Variants in SAMMSON observed in about 807,000 individuals in gnomAD.
The protein encoded by SAMMSON is survival associated mitochondrial melanoma specific oncogenic non-coding RNA, also known as long intergenic non-protein coding RNA 1212.
intron 2 of SAMMSON, among the ~76,000 whole-genome samples, chr3:70,408,062 C>T (rs1701190358): frequency 6.6e-6 from 1 of 152,206 alleles, no homozygotes; most frequent in Admixed American, 6.5e-5. Context: ...AAGCCACGGC[C>T]CAAGCTCTAG....
At chr3:70,266,764 T>A (rs1031860774) in intron 6 of SAMMSON, among the ~76,000 whole-genome samples, 1 of 152,266 alleles carries the variant, frequency 6.6e-6, no homozygotes, top group East Asian at 1.9e-4. Flanking sequence ...TCTTTTAAAA[T>A]ATATTTCTAT....
intron 7 of SAMMSON, among the ~76,000 whole-genome samples, chr3:70,341,503 C>T (rs977439003): frequency 6.6e-5 from 10 of 152,160 alleles, no homozygotes; most frequent in African/African-American, 2.4e-4. Context: ...AAATAATCTT[C>T]TTCCCCTTGA....
intron 4 of SAMMSON, among the ~76,000 whole-genome samples, chr3:70,138,330 C>G (rs1417906922): frequency 6.6e-6 from 1 of 152,152 alleles, no homozygotes; most frequent in Non-Finnish European, 1.5e-5. Flanking sequence ...AAATTGGTTT[C>G]TCATAGTTCT....
chr3:70,132,923 G>A (rs1245676892), intron 4 of SAMMSON, among the ~76,000 whole-genome samples: 2 of 152,110 alleles, frequency 1.3e-5, no homozygotes, highest in Non-Finnish European at 2.9e-5. Context: ...CGCTGACTTA[G>A]ACATGAGTGT....
chr3:70,147,953 G>A (rs2067555990), intron 4 of SAMMSON, among the ~76,000 whole-genome samples: 1 of 152,030 alleles, frequency 6.6e-6, no homozygotes, highest in Non-Finnish European at 1.5e-5. Context: ...AAACTCAATA[G>A]TGAGAAATTT....
chr3:70,170,647 C>A (rs1700936757), intron 4 of SAMMSON, among the ~76,000 whole-genome samples: 1 of 128,768 alleles, frequency 7.8e-6, no homozygotes, highest in South Asian at 2.4e-4. Context: ...TATTCACTGG[C>A]TAAACAGAGG....
intron 3 of SAMMSON, among the ~76,000 whole-genome samples, chr3:70,032,883 A>T (rs1366174592): frequency 6.6e-6 from 1 of 152,126 alleles, no homozygotes; most frequent in Non-Finnish European, 1.5e-5. Flanking sequence ...ATAAAGGAAA[A>T]CTTCGCAATG....
chr3:70,079,354 G>T (rs188166109), intron 4 of SAMMSON, among the ~76,000 whole-genome samples: 1 of 152,260 alleles, frequency 6.6e-6, no homozygotes, highest in Admixed American at 6.5e-5. Flanking sequence ...ATTGGGAAAT[G>T]CTACAAATCG....
intron 3 of SAMMSON, among the ~76,000 whole-genome samples, chr3:70,046,434 C>A (rs895144328): frequency 1.3e-5 from 2 of 152,078 alleles, no homozygotes; most frequent in South Asian, 2.1e-4. Context: ...ATTTGCAATG[C>A]GGTACATGTA....
At chr3:70,209,573 TA>T (rs1701323338) in intron 4 of SAMMSON, among the ~76,000 whole-genome samples, 1 of 152,290 alleles carries the variant, frequency 6.6e-6, no homozygotes, top group Middle Eastern at 3.4e-3. Context: ...TTACAGAGTT[TA>T]TTTAGGTAAA....
At chr3:70,384,103 G>T (rs1703100794) in intron 9 of SAMMSON, among the ~76,000 whole-genome samples, 1 of 151,066 alleles carries the variant, frequency 6.6e-6, no homozygotes, top group Non-Finnish European at 1.5e-5. Context: ...AATTACCCAG[G>T]GCAGAAAACA....
intron 4 of SAMMSON, chr3:70,126,078 A>C (rs2067457223): frequency 2.5e-6 from 3 of 1,190,408 alleles, no homozygotes; most frequent in Non-Finnish European, 3.6e-6. Flanking sequence ...CATAGAACTT[A>C]GGCACGCTTG....
At position 70,377,256 on chromosome 3, in the gene SAMMSON, C is replaced by T. The variant is rs190497996; in HGVS notation, n.914-12318C>T. Among the ~76,000 whole-genome samples the T allele has an allele frequency of 2.2e-4, 34 of 152,052 alleles. No individual in the cohort carries two copies. The East Asian group carries it at 5.0e-3, about 22-fold the overall frequency. On this transcript the variant is annotated intron_variant and non_coding_transcript_variant, in intron 9 of 9. Coordinates refer to ENST00000642114, the Ensembl canonical transcript of SAMMSON. ...ATAGTTAATTTCTAGAAATTAAGAT[C>T]GGCTATAATTTAGCCTGATGCTGGA... is the stretch of plus-strand genomic sequence containing the variant.
At chr3:70,211,163 C>T (rs944714760) in intron 4 of SAMMSON, among the ~76,000 whole-genome samples, 1 of 151,858 alleles carries the variant, frequency 6.6e-6, no homozygotes, top group African/African-American at 2.4e-5. Context: ...CTTTCTTTTC[C>T]CATTTTCCTT....
At chr3:70,031,506 G>C (rs1334964131) in intron 3 of SAMMSON, among the ~76,000 whole-genome samples, 2 of 152,130 alleles carry the variant, frequency 1.3e-5, no homozygotes, top group Non-Finnish European at 2.9e-5. Context: ...CCACTGAATT[G>C]TACACTTACA....
intron 9 of SAMMSON, among the ~76,000 whole-genome samples, chr3:70,382,323 A>C (rs550913659): frequency 1.6e-4 from 25 of 152,174 alleles, no homozygotes; most frequent in African/African-American, 5.1e-4. Context: ...CTCTTTAATA[A>C]TTCCACCCAA....
intron 3 of SAMMSON, among the ~76,000 whole-genome samples, chr3:70,020,550 A>G (rs1189910603): frequency 6.6e-6 from 1 of 152,098 alleles, no homozygotes; most frequent in Non-Finnish European, 1.5e-5. Context: ...TGTTTATTGC[A>G]GAGTCTTCCC....
At chr3:70,120,893 A>T (rs940446406) in intron 4 of SAMMSON, among the ~76,000 whole-genome samples, 3 of 152,206 alleles carry the variant, frequency 2.0e-5, no homozygotes, top group African/African-American at 4.8e-5. Context: ...GGATGATTCA[A>T]GCGCATTACA....
rs984531679 is a variant in SAMMSON at position 70,271,056 on chromosome 3, T to C, written n.675-20123T>C. 6.0e-5 allele frequency among the ~76,000 whole-genome samples: 9 copies of C among 150,774 alleles called. No individual in the cohort carries two copies. The East Asian group carries it at 1.2e-3, about 20-fold the overall frequency. ...AATAATAAAAAAGAAATATTGAAAA[T>C]AAAAAAAAACAGTAAATTAAATCAT... On this transcript the variant is annotated intron_variant and non_coding_transcript_variant, in intron 6 of 9. Coordinates refer to ENST00000642114, the Ensembl canonical transcript of SAMMSON.
Sources: allele counts gnomAD v4.1 joint callset (sites outside exome capture counted in the v4.1 genomes callset), GRCh38; gene constraint gnomAD v4.1.1; transcripts MANE v1.5; gene names NCBI Gene and HGNC (gene_info 2026-07-23, HGNC 2026-07-21).